POU2F1: variants seen among roughly 807,000 people sequenced by gnomAD.
POU2F1 encodes the protein POU class 2 homeobox 1, also known as POU domain, class 2, transcription factor 1.
Under a neutral mutation model 84.9 loss-of-function variants are expected in POU2F1, and 16 were observed. The ratio of observed to expected loss-of-function variants is 0.19; its 90% CI spans 0.13 to 0.29. The LOEUF (loss-of-function observed/expected upper bound fraction) is 0.29, where lower values mean the gene tolerates loss of function less well. Among genes scored for constraint, POU2F1 ranks in the 10% least tolerant of loss-of-function variants. The pLI, the probability that POU2F1 is intolerant of heterozygous loss-of-function variation, is 1.00. For synonymous variants in POU2F1, 368 were observed against 368.3 expected (o/e 1.00, Z 0.01); for missense variants, 738 against 942.6 (o/e 0.78, Z 2.84).
At chr1:167,247,455 T>TA (rs1650419656) in intron 1 of POU2F1, among the ~76,000 whole-genome samples, 1 of 152,222 alleles carries the variant, frequency 6.6e-6, no homozygotes, top group Non-Finnish European at 1.5e-5. Context: ...AATCTTTACC[T>TA]AAATTTCCTC....
chr1:167,379,617 G>A (rs1011882114), intron 7 of POU2F1: 1 of 152,176 alleles, frequency 6.6e-6, no homozygotes, highest in Non-Finnish European at 1.5e-5. Flanking sequence ...CTAGTGGAGA[G>A]TGGTAATCGC....
At chr1:167,330,515 T>G (rs1245943764) in intron 1 of POU2F1, among the ~76,000 whole-genome samples, 1 of 152,204 alleles carries the variant, frequency 6.6e-6, no homozygotes, top group Admixed American at 6.5e-5. Flanking sequence ...TTTGGAATAT[T>G]TTTAACACAT....
chr1:167,221,753 C>T (rs1458708143), intron 1 of POU2F1, among the ~76,000 whole-genome samples: 2 of 150,774 alleles, frequency 1.3e-5, no homozygotes, highest in Admixed American at 6.6e-5. Context: ...TAGGGGTGAG[C>T]GGTCGTGGGC....
intron 1 of POU2F1, among the ~76,000 whole-genome samples, chr1:167,270,104 G>A (rs1212943484): frequency 6.6e-6 from 1 of 151,972 alleles, no homozygotes; most frequent in African/African-American, 2.4e-5. Context: ...AACATTAAAG[G>A]GATTAAAGAA....
intron 1 of POU2F1, among the ~76,000 whole-genome samples, chr1:167,239,571 C>G (rs1056676222): frequency 6.6e-6 from 1 of 152,190 alleles, no homozygotes; most frequent in Non-Finnish European, 1.5e-5. Flanking sequence ...CCCACCCCAA[C>G]CCTCACTTTT....
At chr1:167,309,586 T>G (rs1228570592) in intron 1 of POU2F1, among the ~76,000 whole-genome samples, 3 of 152,196 alleles carry the variant, frequency 2.0e-5, no homozygotes, top group African/African-American at 7.2e-5. Flanking sequence ...GTTCATTTTT[T>G]AATGACAAAT....
chr1:167,398,850 A>C (rs185915310), intron 11 of POU2F1, among the ~76,000 whole-genome samples: 3 of 152,280 alleles, frequency 2.0e-5, no homozygotes, highest in Non-Finnish European at 4.4e-5. Context: ...TTACTGTGAG[A>C]TCCAAATTAG....
chr1:167,415,223 A>G (rs1193847107), intron 15 of POU2F1, among the ~76,000 whole-genome samples: 5 of 152,246 alleles, frequency 3.3e-5, no homozygotes, highest in African/African-American at 1.2e-4. Flanking sequence ...CAAGACACGA[A>G]CATGACTCTA....
At chr1:167,302,573 G>C (rs1016390714) in intron 1 of POU2F1, among the ~76,000 whole-genome samples, 2 of 152,122 alleles carry the variant, frequency 1.3e-5, no homozygotes, top group African/African-American at 4.8e-5. Context: ...TCCTTTTTAA[G>C]AAGACACTTT....
chr1:167,378,228 T>G (rs1055741398), intron 7 of POU2F1, among the ~76,000 whole-genome samples: 2 of 152,126 alleles, frequency 1.3e-5, no homozygotes, highest in African/African-American at 4.8e-5. Context: ...TGAGTTTTTT[T>G]GTTCTTTGTT....
chr1:167,419,995 C>G lies in POU2F1; in HGVS notation c.*4185C>G, dbSNP rs1210418819. ...TATACCTCTTTAATGTTATTTTCTT[C>G]CATTATCCCTCATTTATTTGGAAAG... is the stretch of plus-strand genomic sequence containing the variant. On this transcript the variant is annotated 3_prime_UTR_variant, in exon 16 of 16. Coordinates refer to ENST00000367866, the MANE Select transcript of POU2F1 (RefSeq NM_002697.4). 1 of 152,088 alleles carries G rather than the reference C, an allele frequency of 6.6e-6. No homozygotes were observed. Among genetic ancestry groups the G allele is most frequent in the Non-Finnish European group, 1.5e-5 (1 of 68,014 alleles). 9.4% of individuals were successfully genotyped at this position (152,088 alleles called of 1,614,324 possible). A position where few individuals can be genotyped will look rare whatever the true frequency, so the allele number is the denominator to read the frequency against.
At chr1:167,232,218 C>T (rs756435530) in intron 1 of POU2F1, among the ~76,000 whole-genome samples, 11 of 152,180 alleles carry the variant, frequency 7.2e-5, no homozygotes, top group Non-Finnish European at 1.0e-4. Context: ...CCATTTTGTT[C>T]GAGGGTCAGC....
chr1:167,398,734 T>C (rs998129622), intron 11 of POU2F1, among the ~76,000 whole-genome samples: 7 of 152,226 alleles, frequency 4.6e-5, no homozygotes, highest in Admixed American at 3.9e-4. Flanking sequence ...TTGGGAGGAC[T>C]CTGAATTAGG....
At chr1:167,376,456 T>A (rs1660339186) in intron 7 of POU2F1, 3 of 242,298 alleles carry the variant, frequency 1.2e-5, no homozygotes, top group Admixed American at 1.1e-4. Context: ...GATAAGTTGC[T>A]GCTAGTGTTT....
intron 1 of POU2F1, chr1:167,319,000 C>A: frequency 6.5e-6 from 1 of 153,666 alleles, no homozygotes; most frequent in South Asian, 1.8e-4. Context: ...GACTGGTTGT[C>A]CTGCTTTCCT....
intron 12 of POU2F1, among the ~76,000 whole-genome samples, chr1:167,399,947 G>C (rs1219670230): frequency 7.0e-6 from 1 of 142,152 alleles, no homozygotes; most frequent in Non-Finnish European, 1.5e-5. Context: ...GGGATTACGG[G>C]TGTGAGCCAC....
At chr1:167,228,912 A>G (rs1453348444) in intron 1 of POU2F1, among the ~76,000 whole-genome samples, 2 of 152,166 alleles carry the variant, frequency 1.3e-5, no homozygotes, top group Non-Finnish European at 2.9e-5. Context: ...TCATTACCTC[A>G]GTTAGTCCTT....
At chr1:167,312,358 A>T (rs1328888597) in intron 1 of POU2F1, among the ~76,000 whole-genome samples, 1 of 151,838 alleles carries the variant, frequency 6.6e-6, no homozygotes, top group African/African-American at 2.4e-5. Context: ...CAAGTAGTGG[A>T]ATTACAAGCA....
chr1:167,271,320 A>G (rs1269872016), intron 1 of POU2F1, among the ~76,000 whole-genome samples: 1 of 152,206 alleles, frequency 6.6e-6, no homozygotes, highest in African/African-American at 2.4e-5. Context: ...AGCCATTTGG[A>G]CAATTAATGG....
Sources: gnomAD v4.1 joint callset for allele counts (sites outside exome capture counted in the v4.1 genomes callset) on GRCh38, gnomAD v4.1.1 for gene constraint, MANE v1.5 for transcripts, NCBI Gene and HGNC (gene_info 2026-07-23, HGNC 2026-07-21) for gene names.